Variants in PDE1A observed in about 807,000 individuals in gnomAD.
PDE1A encodes the protein dual specificity calcium/calmodulin-dependent 3',5'-cyclic nucleotide phosphodiesterase 1A.
Under a neutral mutation model 61.7 loss-of-function variants are expected in PDE1A, and 35 were observed. The observed-to-expected ratio is 0.57, with a 90% CI of 0.43 to 0.75. The LOEUF is 0.75. PDE1A is among the 30% of genes least tolerant of loss of function. PDE1A has a pLI of 0.00. For synonymous variants in PDE1A, 232 were observed against 213.2 expected (o/e 1.09, Z -0.77); for missense variants, 597 against 630.6 (o/e 0.95, Z 0.57).
At chr2:182,485,236 C>T (rs1220786419) in intron 2 of PDE1A, among the ~76,000 whole-genome samples, 1 of 151,998 alleles carries the variant, frequency 6.6e-6, no homozygotes, top group Non-Finnish European at 1.5e-5. Flanking sequence ...CAGCTGGAGA[C>T]CATTAGCCTT....
At chr2:182,469,856 G>A (rs1686914918) in intron 2 of PDE1A, among the ~76,000 whole-genome samples, 2 of 151,980 alleles carry the variant, frequency 1.3e-5, no homozygotes, top group Non-Finnish European at 2.9e-5. Context: ...GGAACAGGGA[G>A]GCTAAGGAGA....
At chr2:182,323,140 C>T (rs1385520317) in intron 1 of PDE1A, among the ~76,000 whole-genome samples, 1 of 152,072 alleles carries the variant, frequency 6.6e-6, no homozygotes, top group Admixed American at 6.6e-5. Context: ...AAATAAATGG[C>T]TTTATAGAAG....
intron 2 of PDE1A, among the ~76,000 whole-genome samples, chr2:182,513,118 C>A (rs552462442): frequency 6.6e-6 from 1 of 152,160 alleles, no homozygotes; most frequent in African/African-American, 2.4e-5. Context: ...AGATACTATA[C>A]AAGATGACCA....
chr2:182,447,381 A>G (rs1392339267), intron 2 of PDE1A, among the ~76,000 whole-genome samples: 1 of 152,004 alleles, frequency 6.6e-6, no homozygotes, highest in Non-Finnish European at 1.5e-5. Context: ...TCTACTTCCC[A>G]TTCTTGCCAA....
the PDE1A span, among the ~76,000 whole-genome samples, chr2:182,645,730 A>C: frequency 6.6e-6 from 1 of 152,238 alleles, no homozygotes; most frequent in African/African-American, 2.4e-5. Context: ...ATATATGGCC[A>C]CTACAGAACA....
chr2:182,421,741 TTTTC>T (rs2125584689), intron 1 of PDE1A, among the ~76,000 whole-genome samples: 1 of 152,302 alleles, frequency 6.6e-6, no homozygotes, highest in African/African-American at 2.4e-5. Context: ...ATGTCTGAAA[TTTTC>T]TTTCATGGTA....
chr2:182,334,369 A>G (rs539010722), intron 1 of PDE1A, among the ~76,000 whole-genome samples: 2 of 152,184 alleles, frequency 1.3e-5, no homozygotes, highest in Admixed American at 1.3e-4. Context: ...CGATGCAAAA[A>G]TCCTCAATAA....
the PDE1A span, among the ~76,000 whole-genome samples, chr2:182,679,682 T>C: frequency 5.9e-5 from 9 of 152,244 alleles, no homozygotes; most frequent in East Asian, 1.7e-3. Flanking sequence ...AACACAAATA[T>C]AGACGTGAAC....
chr2:182,306,053 T>C (rs1695562797), intron 1 of PDE1A, among the ~76,000 whole-genome samples: 1 of 152,250 alleles, frequency 6.6e-6, no homozygotes, highest in Middle Eastern at 3.4e-3. Context: ...ACCCCCAGCC[T>C]CTGGTAACCA....
At chr2:182,260,031 G>T (rs1330654259) in intron 2 of PDE1A, among the ~76,000 whole-genome samples, 1 of 152,186 alleles carries the variant, frequency 6.6e-6, no homozygotes, top group East Asian at 1.9e-4. Flanking sequence ...TTAGGGTATT[G>T]TGCTATTATC....
chr2:182,500,675 C>G (rs969979868), intron 2 of PDE1A, among the ~76,000 whole-genome samples: 1 of 152,102 alleles, frequency 6.6e-6, no homozygotes, highest in Non-Finnish European at 1.5e-5. Context: ...ATTGACATAA[C>G]TCACATATAA....
the PDE1A span, among the ~76,000 whole-genome samples, chr2:182,710,633 C>G: frequency 6.6e-6 from 1 of 152,178 alleles, no homozygotes; most frequent in Admixed American, 6.5e-5. Context: ...GATTATTTCA[C>G]TTAGTGTATG....
chr2:182,527,328 ATATATATAT>A (rs1217922950), upstream of PDE1A, among the ~76,000 whole-genome samples: 6 of 9,198 alleles, frequency 6.5e-4, no homozygotes, highest in Non-Finnish European at 9.8e-4. Context: ...AAAAAAAAAA[ATATATATAT>A]ATATATATAT....
the PDE1A span, among the ~76,000 whole-genome samples, chr2:182,682,232 G>A: frequency 6.6e-6 from 1 of 152,304 alleles, no homozygotes; most frequent in African/African-American, 2.4e-5. Flanking sequence ...TCACTGAGAT[G>A]AGCATTGCCT....
intron 1 of PDE1A, among the ~76,000 whole-genome samples, chr2:182,276,189 C>G (rs1693397728): frequency 1.3e-5 from 2 of 151,946 alleles, no homozygotes; most frequent in African/African-American, 2.4e-5. Flanking sequence ...CTAATAAAGA[C>G]ATGGCTCTCA....
chr2:182,550,956 G>A, the PDE1A span, among the ~76,000 whole-genome samples: 2 of 151,678 alleles, frequency 1.3e-5, no homozygotes, highest in Non-Finnish European at 2.9e-5. Flanking sequence ...TACCAAACAG[G>A]AAGGGAGCCT....
rs559845304 is a variant in PDE1A at position 182,458,130 on chromosome 2, ACTTGT to A, written c.101+64141_101+64145del. On this transcript the variant is annotated intron_variant, in intron 2 of 14. Transcript: ENST00000410103. Reference sequence around the variant, plus strand: ...TGAATGAAAATTTTAGGAGAATGCCACTTGTCTTGTCTTGAGATAATGTGTAATAA... The same window carrying A: ...TGAATGAAAATTTTAGGAGAATGCCACTTGTCTTGAGATAATGTGTAATAA... 8.5e-5 allele frequency among the ~76,000 whole-genome samples: 13 copies of A among 152,188 alleles called. No individual in the cohort carries two copies. The East Asian group carries it at 1.7e-3, about 20-fold the overall frequency.
At chr2:182,621,530 G>A in the PDE1A span, among the ~76,000 whole-genome samples, 60,546 of 151,630 alleles carry the variant, frequency 0.4, 13,523 homozygotes, top group East Asian at 0.58. Flanking sequence ...ACTGAGGTCT[G>A]TTGTGTTCTA....
chr2:182,504,637 A>C (rs1027520869), intron 2 of PDE1A, among the ~76,000 whole-genome samples: 1 of 152,232 alleles, frequency 6.6e-6, no homozygotes, highest in Admixed American at 6.5e-5. Context: ...GTTATTAAGC[A>C]CATATGATTA....
Sources: allele counts gnomAD v4.1 joint callset (sites outside exome capture counted in the v4.1 genomes callset), GRCh38; gene constraint gnomAD v4.1.1; transcripts MANE v1.5; gene names NCBI Gene and HGNC (gene_info 2026-07-23, HGNC 2026-07-21).